Variants in DIAPH2 observed in about 807,000 individuals in gnomAD.
The protein encoded by DIAPH2 is diaphanous related formin 2.
DIAPH2 carries 35 observed loss-of-function variants against 92.7 expected under a neutral mutation model. That is an observed-to-expected ratio of 0.38 (90% CI 0.29 to 0.50). The LOEUF is 0.50. Among genes scored for constraint, DIAPH2 ranks in the 20% least tolerant of loss-of-function variants. The pLI, the probability that DIAPH2 is intolerant of heterozygous loss-of-function variation, is 0.94. For missense variants in DIAPH2, 701 were observed against 819.5 expected, an observed-to-expected ratio of 0.86 and a Z score of 1.77; for synonymous variants, 301 against 280.4, an observed-to-expected ratio of 1.07 and a Z score of -0.73.
intron 21 of DIAPH2, among the ~76,000 whole-genome samples, chrX:97,134,337 A>G (rs2067157267): frequency 8.9e-6 from 1 of 111,827 alleles, no homozygotes. Flanking sequence ...CTCTTATTTT[A>G]AATTGACACT....
At position 97,026,655 on chromosome X, in the gene DIAPH2, C is replaced by T. The variant is rs961903800; in HGVS notation, c.2051-46286C>T. ...TTAAAGACTGCTGTTCTGCCTTCTT[C>T]CTGTCCTTGTTACATCCAGACTATC... On this transcript the variant is annotated intron_variant, in intron 17 of 26. Transcript: ENST00000324765. Among the ~76,000 whole-genome samples the T allele has an allele frequency of 4.5e-5, 5 of 112,359 alleles. No individual in the cohort carries two copies. The Admixed American group carries it at 4.7e-4, about 11-fold the overall frequency.
chrX:97,484,233 A>G (rs1002037551), intron 26 of DIAPH2, among the ~76,000 whole-genome samples: 4 of 111,680 alleles, frequency 3.6e-5, no homozygotes, highest in Non-Finnish European at 7.5e-5. Flanking sequence ...GAGACATAAT[A>G]GTTAAAGAGC....
At chrX:97,157,081 G>A (rs1279970547) in intron 22 of DIAPH2, among the ~76,000 whole-genome samples, 2 of 110,976 alleles carry the variant, frequency 1.8e-5, no homozygotes, top group East Asian at 5.7e-4. Context: ...TTGGGAGACC[G>A]AGGTGGGCAG....
At chrX:97,328,514 A>C (rs2085719605) in intron 23 of DIAPH2, among the ~76,000 whole-genome samples, 1 of 111,577 alleles carries the variant, frequency 9.0e-6, no homozygotes, top group Non-Finnish European at 1.9e-5. Flanking sequence ...CTTTCTCTGG[A>C]CCTAGCATCT....
chrX:97,510,046 A>G (rs2070874174), intron 26 of DIAPH2, among the ~76,000 whole-genome samples: 1 of 111,087 alleles, frequency 9.0e-6, no homozygotes, highest in African/African-American at 3.3e-5. Flanking sequence ...GCTGGATCAA[A>G]TGGTATTTCT....
intron 17 of DIAPH2, among the ~76,000 whole-genome samples, chrX:97,056,190 T>G (rs2147898061): frequency 8.9e-6 from 1 of 112,026 alleles, no homozygotes; most frequent in African/African-American, 3.2e-5. Flanking sequence ...CTCCAGCATT[T>G]AATAACTGCT....
chrX:97,016,182 A>G (rs1188788477), intron 17 of DIAPH2, among the ~76,000 whole-genome samples: 1 of 112,049 alleles, frequency 8.9e-6, no homozygotes, highest in Non-Finnish European at 1.9e-5. Context: ...CAAGTGTGAG[A>G]TCGACATTTA....
At chrX:96,836,685 G>GTGTATATATATATATA (rs2064889172) in intron 4 of DIAPH2, among the ~76,000 whole-genome samples, 1 of 28,325 alleles carries the variant, frequency 3.5e-5, no homozygotes, top group African/African-American at 2.3e-4. Flanking sequence ...AGCAGTACAG[G>GTGTATATATATATATA]TATATATATA....
intron 26 of DIAPH2, among the ~76,000 whole-genome samples, chrX:97,461,235 T>TC (rs1491582390): frequency 2.9e-5 from 1 of 34,890 alleles, no homozygotes; most frequent in East Asian, 8.1e-4. Flanking sequence ...CTAGTTTGTC[T>TC]TTTTTTTTTT....
intron 5 of DIAPH2, among the ~76,000 whole-genome samples, chrX:96,897,975 G>T (rs1233172828): frequency 1.2e-5 from 1 of 84,543 alleles, no homozygotes; most frequent in Non-Finnish European, 2.3e-5. Flanking sequence ...AATATGCAGT[G>T]TTTGGTTTTT....
chrX:97,575,915 G>A (rs1368435096), intron 26 of DIAPH2, among the ~76,000 whole-genome samples: 1 of 112,085 alleles, frequency 8.9e-6, no homozygotes, highest in Non-Finnish European at 1.9e-5. Context: ...AACTGTGTCT[G>A]TCTGCACACA....
intron 3 of DIAPH2, among the ~76,000 whole-genome samples, chrX:96,748,816 A>G (rs1168581887): frequency 9.0e-6 from 1 of 111,614 alleles, no homozygotes. Flanking sequence ...CAAGGTTTTT[A>G]TTTTGTATAT....
chrX:97,215,223 A>G lies in DIAPH2; in HGVS notation c.2720-32492A>G, dbSNP rs3927882. On this transcript the variant is annotated intron_variant, in intron 22 of 26. Transcript: ENST00000324765. The stretch of plus-strand genomic sequence containing the variant: ...CTGCCTCTCAGGATCCTTCTAATAT[A>G]GTTTTCTTGGATATTAGGTGGTTTT... Among the ~76,000 whole-genome samples the G allele has an allele frequency of 6.4e-3, 715 of 111,369 alleles. 4 individuals carry two copies. The highest frequency in any genetic ancestry group is 0.028 in the Middle Eastern group (6 of 217).
intron 24 of DIAPH2, among the ~76,000 whole-genome samples, chrX:97,375,462 A>G (rs1381901128): frequency 8.9e-6 from 1 of 111,935 alleles, no homozygotes; most frequent in East Asian, 2.8e-4. Context: ...ATCTCAAAAA[A>G]AACAAAAACA....
chrX:96,910,042 T>C (rs933738964), intron 5 of DIAPH2, among the ~76,000 whole-genome samples: 1 of 111,554 alleles, frequency 9.0e-6, no homozygotes, highest in Non-Finnish European at 1.9e-5. Flanking sequence ...AAGCGGATAT[T>C]GAGGACTATA....
intron 12 of DIAPH2, among the ~76,000 whole-genome samples, chrX:96,939,986 T>C (rs971043801): frequency 3.7e-5 from 4 of 108,370 alleles, no homozygotes; most frequent in Non-Finnish European, 5.7e-5. Flanking sequence ...TTAAAAGGTG[T>C]TCATTTTTTA....
At chrX:97,457,057 G>C (rs1374728746) in intron 26 of DIAPH2, among the ~76,000 whole-genome samples, 1 of 111,704 alleles carries the variant, frequency 9.0e-6, no homozygotes, top group East Asian at 2.8e-4. Context: ...GTCTTGCTCT[G>C]TCACTCAGGC....
At chrX:97,582,524 G>A (rs7062932) in intron 26 of DIAPH2, among the ~76,000 whole-genome samples, 1 of 110,359 alleles carries the variant, frequency 9.1e-6, no homozygotes, top group East Asian at 2.8e-4. Context: ...CTGGCTTGTA[G>A]GGTTTCTGCC....
In DIAPH2 at chrX:96,953,083, T is replaced by C. The variant is rs140684541; in HGVS notation, c.1614+4044T>C. ...GCAATGCACTATGATTTTGCCACTG[T>C]ACTCCAGCCTGTGCAAGAGCGAGAC... On this transcript the variant is annotated intron_variant, in intron 15 of 26. Transcript: ENST00000324765. Among the ~76,000 whole-genome samples the C allele has an allele frequency of 8.4e-3, 931 of 111,284 alleles. 8 individuals carry two copies. Among genetic ancestry groups the C allele is most frequent in the African/African-American group, 0.029 (900 of 30,628 alleles).
Sources: allele counts gnomAD v4.1 joint callset (sites outside exome capture counted in the v4.1 genomes callset), GRCh38; gene constraint gnomAD v4.1.1; transcripts MANE v1.5; gene names NCBI Gene and HGNC (gene_info 2026-07-23, HGNC 2026-07-21).